FARP2: variants seen among roughly 807,000 people sequenced by gnomAD.
The protein encoded by FARP2 is FERM, ARHGEF and pleckstrin domain-containing protein 2.
Under a neutral mutation model 130.5 loss-of-function variants are expected in FARP2, and 111 were observed. That is an observed-to-expected ratio of 0.85 (90% CI 0.73 to 1.00). The LOEUF is 1.00. FARP2 is among the 50% of genes least tolerant of loss of function. The pLI, the probability that FARP2 is intolerant of heterozygous loss-of-function variation, is 0.00. For missense variants in FARP2, 1,385 were observed against 1,346.3 expected, an observed-to-expected ratio of 1.03 and a Z score of -0.45; for synonymous variants, 504 against 516.9, an observed-to-expected ratio of 0.98 and a Z score of 0.34.
chr2:241,463,658 G>A, intron 16 of FARP2, 190 bp downstream of exon 16: 1 of 716,970 alleles, frequency 1.4e-6, no homozygotes, highest in Non-Finnish European at 2.3e-6. Context: ...AAAAGAGAGT[G>A]CAAGGAGCAA....
At chr2:241,467,845 T>C (rs1207073167) in intron 17 of FARP2, among the ~76,000 whole-genome samples, 1 of 152,174 alleles carries the variant, frequency 6.6e-6, no homozygotes, top group African/African-American at 2.4e-5. Flanking sequence ...TCCTCAATTC[T>C]TCATCTGTCC....
chr2:241,375,133 G>A (rs2061506158), intron 2 of FARP2, among the ~76,000 whole-genome samples: 1 of 151,830 alleles, frequency 6.6e-6, no homozygotes, highest in Non-Finnish European at 1.5e-5. Flanking sequence ...TTGTGTTTTT[G>A]GTAGAGACGG....
At chr2:241,379,915 A>G (rs543831204) in intron 2 of FARP2, among the ~76,000 whole-genome samples, 34 of 152,328 alleles carry the variant, frequency 2.2e-4, no homozygotes, top group African/African-American at 7.9e-4. Context: ...CTGATGCTCA[A>G]GAATGTGGTA....
At chr2:241,388,550 A>G (rs2061839719) in intron 2 of FARP2, among the ~76,000 whole-genome samples, 1 of 152,242 alleles carries the variant, frequency 6.6e-6, no homozygotes, top group Non-Finnish European at 1.5e-5. Flanking sequence ...GCTATCAAGA[A>G]AGTAAAAATA....
At position 241,494,149 on chromosome 2, in the gene FARP2, C is replaced by CACA. The variant is rs2065039744; in HGVS notation, c.*27_*29dup. The CACA allele has an allele frequency of 1.4e-6, 2 of 1,388,066 alleles. No individual in the cohort carries two copies. Among genetic ancestry groups the CACA allele is most frequent in the South Asian group, 1.6e-5 (1 of 63,876 alleles). 86.0% of individuals were successfully genotyped at this position (1,388,066 alleles called of 1,614,324 possible). A position where few individuals can be genotyped will look rare whatever the true frequency, so the allele number is the denominator to read the frequency against. On this transcript the variant is annotated 3_prime_UTR_variant, in exon 27 of 27. Transcript: ENST00000264042. The surrounding 1 kb of genome is among the most constrained non-coding windows in gnomAD (Gnocchi z 4.9). ...GACGCTCAACCTGCCCAGGTTTGGA[C>CACA]ACAACTACAAAGAACAGCAGGACAC...
At chr2:241,421,487 A>G (rs1478091169) in intron 8 of FARP2, among the ~76,000 whole-genome samples, 1 of 152,194 alleles carries the variant, frequency 6.6e-6, no homozygotes. Flanking sequence ...GATGGATCCA[A>G]GTTCCTGCGG....
At chr2:241,398,172 C>T (rs1159086818) in intron 2 of FARP2, among the ~76,000 whole-genome samples, 4 of 152,052 alleles carry the variant, frequency 2.6e-5, no homozygotes, top group African/African-American at 9.7e-5. Context: ...ATATAACTTA[C>T]ATAAGAAAGT....
chr2:241,481,531 T>G (rs1389149287), intron 19 of FARP2, among the ~76,000 whole-genome samples: 1 of 152,160 alleles, frequency 6.6e-6, no homozygotes, highest in Admixed American at 6.5e-5. Context: ...CAGGAAACCT[T>G]CCCCACTTTG....
intron 8 of FARP2, among the ~76,000 whole-genome samples, chr2:241,421,583 C>T (rs1002195770): frequency 4.6e-5 from 7 of 152,166 alleles, no homozygotes; most frequent in African/African-American, 1.4e-4. Context: ...AGAGTTCCCC[C>T]ACATGCAGCA....
In FARP2 at chr2:241,484,388, C is replaced by T. The variant is rs565388534; in HGVS notation, c.2421+57C>T. 360 of 1,414,958 alleles carry T rather than the reference C, an allele frequency of 2.5e-4. 6 individuals are homozygous for T. In the South Asian group the frequency reaches 3.4e-3, roughly 13 times the overall value. 87.7% of individuals were successfully genotyped at this position (1,414,958 alleles called of 1,614,324 possible). A position where few individuals can be genotyped will look rare whatever the true frequency, so the allele number is the denominator to read the frequency against. On this transcript the variant is annotated intron_variant, in intron 21 of 26. Transcript: ENST00000264042. ...CACGTGGTGCTGGGCTGGGCCCCACCTACCTCTCTCCTGCAGAGGCGAATC... is the reference window on the plus strand; with the variant it reads ...CACGTGGTGCTGGGCTGGGCCCCACTTACCTCTCTCCTGCAGAGGCGAATC...
intron 19 of FARP2, chr2:241,478,208 G>A (rs2064522651): frequency 6.4e-6 from 1 of 155,244 alleles, no homozygotes; most frequent in Admixed American, 6.4e-5. Context: ...GCTAAGGTAG[G>A]AGCATTGCTT....
At chr2:241,486,933 AAGCAGCCCCATCG>A (rs960096016) in intron 21 of FARP2, among the ~76,000 whole-genome samples, 18 of 152,286 alleles carry the variant, frequency 1.2e-4, no homozygotes, top group African/African-American at 3.8e-4. Context: ...TGGGTAAGGT[AAGCAGCCCCATCG>A]AGCAGCCCCA....
rs1026850959 is a variant in FARP2, at chr2:241,494,814, T to A, written c.*689T>A. On this transcript the variant is annotated 3_prime_UTR_variant, in exon 27 of 27. Coordinates refer to ENST00000264042, the MANE Select transcript of FARP2 (RefSeq NM_014808.4). This position sits in a 1 kb window ranked among gnomAD's most constrained non-coding sequence, Gnocchi z 4.9. ...GACTGCTTTGTTCACACACATTTGA[T>A]TAAAAATAAACAAACAGCATCTCCC... 2 of 152,154 alleles carry A rather than the reference T, an allele frequency of 1.3e-5. No individual in the cohort carries two copies. Among genetic ancestry groups the A allele is most frequent in the African/African-American group, 4.8e-5 (2 of 41,400 alleles). The allele number at this position is 152,154 out of a possible 1,614,324, so 9.4% of individuals were successfully genotyped here.
intron 1 of FARP2, among the ~76,000 whole-genome samples, chr2:241,363,365 T>G (rs1394253432): frequency 1.3e-5 from 2 of 152,226 alleles, no homozygotes; most frequent in Non-Finnish European, 2.9e-5. Flanking sequence ...TCTTCCCTCC[T>G]GCAGCTCAGT....
intron 20 of FARP2, chr2:241,483,829 T>C (rs2064686802): frequency 2.0e-6 from 2 of 985,354 alleles, no homozygotes; most frequent in African/African-American, 1.7e-5. Context: ...TCCACATACA[T>C]GTGGCTGCAA....
chr2:241,391,353 G>A (rs1403344495), intron 2 of FARP2, among the ~76,000 whole-genome samples: 3 of 152,200 alleles, frequency 2.0e-5, no homozygotes, highest in Non-Finnish European at 2.9e-5. Flanking sequence ...GGGAAGATGG[G>A]GTTGTAGTGA....
chr2:241,370,315 A>G (rs561097599), intron 1 of FARP2, among the ~76,000 whole-genome samples: 15 of 152,308 alleles, frequency 9.8e-5, no homozygotes, highest in South Asian at 2.1e-4. Context: ...TAGAAGATCT[A>G]TTATATAGCA....
Position 241,373,258 on chromosome 2 carries a change from C to A in FARP2, c.151C>A (p.Leu51Met). The A allele has an allele frequency of 1.3e-6, 2 of 1,507,944 alleles. No individual in the cohort carries two copies. The highest frequency in any genetic ancestry group is 1.3e-5 in the South Asian group (1 of 78,236). The allele number at this position is 1,507,944 out of a possible 1,614,324, so 93.4% of individuals were successfully genotyped here. ...EKHLHLRVKL[L>M]DNTMEIFDIE... ...GCACCTGCACCTCAGAGTAAAGCTG[C>A]TGGACAACACCATGGAAATATTTGA... Residue 51 changes from leucine to methionine, a missense_variant, in exon 2 of 27, where the codon CTG becomes ATG. By Grantham distance (15) the Leu-to-Met change is conservative. Coordinates refer to ENST00000264042, the MANE Select transcript of FARP2 (RefSeq NM_014808.4).
At chr2:241,458,246 A>C (rs1003704321) in intron 14 of FARP2, among the ~76,000 whole-genome samples, 3 of 151,984 alleles carry the variant, frequency 2.0e-5, no homozygotes, top group African/African-American at 4.8e-5. Flanking sequence ...GGGGTCCCTG[A>C]GTGGCAGCTG....
Sources: allele counts gnomAD v4.1 joint callset (sites outside exome capture counted in the v4.1 genomes callset), GRCh38; gene constraint gnomAD v4.1.1; non-coding constraint Gnocchi (gnomAD v3.1); transcripts MANE v1.5; gene names NCBI Gene and HGNC (gene_info 2026-07-23, HGNC 2026-07-21).